WDR5: variants seen among roughly 807,000 people sequenced by gnomAD.
The protein encoded by WDR5 is WD repeat-containing protein 5.
For missense variants in WDR5, 187 were observed against 416.9 expected, an observed-to-expected ratio of 0.45 and a Z score of 4.80; for synonymous variants, 144 against 161.6, an observed-to-expected ratio of 0.89 and a Z score of 0.83.
intron 10 of WDR5, among the ~76,000 whole-genome samples, chr9:134,155,016 T>C (rs540438449): frequency 1.3e-5 from 2 of 152,354 alleles, no homozygotes; most frequent in African/African-American, 4.8e-5. Flanking sequence ...TGGTAAAACC[T>C]GTTCTGGATG....
intron 12 of WDR5, among the ~76,000 whole-genome samples, chr9:134,155,982 C>T (rs112456745): frequency 3.0e-4 from 43 of 144,372 alleles, no homozygotes; most frequent in Non-Finnish European, 5.4e-4. Flanking sequence ...AGCCTGTTGT[C>T]GGGCTTTGCT....
At chr9:134,145,940 T>TC (rs1832171814) in intron 7 of WDR5, among the ~76,000 whole-genome samples, 1 of 146,234 alleles carries the variant, frequency 6.8e-6, no homozygotes, top group African/African-American at 2.6e-5. Flanking sequence ...TTTCTTTCTT[T>TC]TTTTTTTTTT....
chr9:134,144,962 C>T (rs1385744245), intron 7 of WDR5, among the ~76,000 whole-genome samples: 1 of 152,086 alleles, frequency 6.6e-6, no homozygotes, highest in African/African-American at 2.4e-5. Context: ...TTTTTAGGTG[C>T]ATATTTTCCA....
chr9:134,140,998 G>C (rs760247620), intron 3 of WDR5, among the ~76,000 whole-genome samples, 187 bp downstream of exon 3: 2 of 152,180 alleles, frequency 1.3e-5, no homozygotes, highest in Non-Finnish European at 2.9e-5. Context: ...AATTGCCCGT[G>C]GGGGGCCAGG....
In WDR5 at chr9:134,155,340, C is replaced by T; in HGVS notation, c.708C>T (p.Asn236=). ...GKYILAATLD[N]TLKLWDYSKG... ...CCTCACCCCTCTCTCTGTCTTGCAG[C>T]ACTCTGAAGCTCTGGGACTACAGCA... The change falls in exon 11 of 14, where the codon AAC becomes AAT. Residue 236 remains asparagine (N), a splice_region_variant and synonymous_variant. Transcript: ENST00000358625. The T allele has an allele frequency of 5.6e-6, 9 of 1,605,112 alleles. No homozygotes were observed. The highest frequency in any genetic ancestry group is 7.7e-6 in the Non-Finnish European group (9 of 1,176,400).
intron 9 of WDR5, among the ~76,000 whole-genome samples, chr9:134,153,810 T>C (rs951753364): frequency 1.3e-5 from 2 of 152,210 alleles, no homozygotes; most frequent in African/African-American, 4.8e-5. Context: ...TCCTTGAGAT[T>C]CCCTCCTCCT....
At chr9:134,141,912 T>A in intron 4 of WDR5, 37 bp from the exon 5 acceptor site, 1 of 1,594,850 alleles carries the variant, frequency 6.3e-7, no homozygotes, top group Non-Finnish European at 8.6e-7. Flanking sequence ...TCCTATTTTG[T>A]CCTGTCAAGT....
chr9:134,144,842 A>C (rs1013280132), intron 7 of WDR5, among the ~76,000 whole-genome samples: 5 of 146,658 alleles, frequency 3.4e-5, no homozygotes, highest in African/African-American at 1.4e-4. Context: ...TGTCTTAAAA[A>C]AACCACAAAG....
Position 134,150,370 on chromosome 9 carries a change from A to T in WDR5, c.585-1613A>T, listed in dbSNP as rs1046250797. 1.1e-4 allele frequency among the ~76,000 whole-genome samples: 17 copies of T among 152,238 alleles called. 1 individual carries two copies. Among genetic ancestry groups the T allele is most frequent in the Admixed American group, 9.8e-4 (15 of 15,294 alleles). Reference sequence around the variant, plus strand: ...TCTGTTATTAATTAGTAGGGGTCAAAAAGGCGCCTGATTGATAATATCCAG... The same window carrying T: ...TCTGTTATTAATTAGTAGGGGTCAATAAGGCGCCTGATTGATAATATCCAG... On this transcript the variant is annotated intron_variant, in intron 8 of 13. Coordinates refer to ENST00000358625, the MANE Select transcript of WDR5 (RefSeq NM_017588.3).
At chr9:134,148,876 ACTC>A (rs1372200919) in intron 8 of WDR5, among the ~76,000 whole-genome samples, 2 of 151,976 alleles carry the variant, frequency 1.3e-5, no homozygotes, top group African/African-American at 2.4e-5. Flanking sequence ...TGTGTCCAGC[ACTC>A]CTCAGGAGAC....
At chr9:134,149,501 G>A (rs1311307176) in intron 8 of WDR5, among the ~76,000 whole-genome samples, 1 of 152,226 alleles carries the variant, frequency 6.6e-6, no homozygotes, top group Non-Finnish European at 1.5e-5. Context: ...GGGGAGGGGT[G>A]CACAGGGTGA....
rs116052548 is a variant in WDR5 at position 134,151,792 on chromosome 9, G to A, written c.585-191G>A. On this transcript the variant is annotated intron_variant, in intron 8 of 13. Coordinates refer to ENST00000358625, the MANE Select transcript of WDR5 (RefSeq NM_017588.3). ...ACGTGTGTAGCATGTGTGGACTGTT[G>A]ATGTTTGTATGGACAGTGTTTAGTC... Among the ~76,000 whole-genome samples, 975 of 152,286 alleles carry A rather than the reference G, an allele frequency of 6.4e-3. 11 individuals are homozygous for A. Among genetic ancestry groups the A allele is most frequent in the African/African-American group, 0.022 (903 of 41,538 alleles).
chr9:134,155,592 A>G, intron 11 of WDR5, 101 bp from the exon 12 acceptor site: 8 of 1,353,884 alleles, frequency 5.9e-6, no homozygotes, highest in Non-Finnish European at 8.3e-6. Context: ...CTTTTCAGAA[A>G]TAAGTGAAGT....
intron 7 of WDR5, 96 bp downstream of exon 7, chr9:134,142,815 C>A: frequency 1.6e-6 from 2 of 1,287,770 alleles, no homozygotes; most frequent in South Asian, 1.2e-5. Context: ...TAAGCCTGGC[C>A]ATGGCCTGTG....
intron 6 of WDR5, 30 bp from the exon 7 acceptor site, chr9:134,142,606 T>C (rs898223536): frequency 2.5e-6 from 4 of 1,613,156 alleles, no homozygotes; most frequent in Non-Finnish European, 3.4e-6. Flanking sequence ...CTCCTTCCTG[T>C]AAAATCACTG....
intron 2 of WDR5, 82 bp downstream of exon 2, chr9:134,140,040 C>G: frequency 6.8e-7 from 1 of 1,472,990 alleles, no homozygotes; most frequent in South Asian, 1.1e-5. Context: ...GCTCATAAGC[C>G]TAGTCTTCCC....
upstream of WDR5, chr9:134,135,612 G>C (rs1309194808): frequency 6.6e-6 from 1 of 152,176 alleles, no homozygotes; most frequent in Non-Finnish European, 1.5e-5. Context: ...GGCCACATGG[G>C]GGCACTGCGC....
chr9:134,151,930 G>A (rs35709000), intron 8 of WDR5, 53 bp from the exon 9 acceptor site: 10 of 1,580,024 alleles, frequency 6.3e-6, no homozygotes, highest in Non-Finnish European at 6.9e-6. Context: ...CCAGCAGCCC[G>A]CGTGAGATCA....
chr9:134,135,609 T>G, upstream of WDR5: 1 of 152,046 alleles, frequency 6.6e-6, no homozygotes, highest in East Asian at 2.0e-4. Flanking sequence ...GGAGGCCACA[T>G]GGGGGCACTG....
Sources: allele counts gnomAD v4.1 joint callset (sites outside exome capture counted in the v4.1 genomes callset), GRCh38; gene constraint gnomAD v4.1.1; transcripts MANE v1.5; gene names NCBI Gene and HGNC (gene_info 2026-07-23, HGNC 2026-07-21).